The following RSU1 variants were observed in gnomAD, a reference collection of about 807,000 sequenced individuals.
The protein encoded by RSU1 is rsu-1.
RSU1 carries 26 observed loss-of-function variants against 31.1 expected under a neutral mutation model. The observed-to-expected ratio is 0.84, with a 90% confidence interval of 0.61 to 1.16. The LOEUF is 1.16. Ranked by LOEUF, RSU1 falls within the 50% of genes most tolerant of loss-of-function variation. The probability of loss-of-function intolerance (pLI) is 0.00; values close to 1 mark genes in which losing one functional copy is unlikely to be tolerated. For synonymous variants in RSU1, 164 were observed against 136.3 expected (o/e 1.20, Z -1.41); for missense variants, 320 against 339.1 (o/e 0.94, Z 0.44).
rs1837079021 is a variant in RSU1 at position 16,756,093 on chromosome 10, C to T, written c.282-1104G>A. Among the ~76,000 whole-genome samples the T allele has an allele frequency of 1.4e-4, 21 of 152,028 alleles. 1 individual carries two copies. Among genetic ancestry groups the T allele is most frequent in the Admixed American group, 1.4e-3 (21 of 15,266 alleles). ...TTTGCTTGATTTCATTCCATTTATT[C>T]CTTTTTTGGAGGGAAAATCATGTTT... On this transcript the variant is annotated intron_variant, in intron 4 of 8. Coordinates refer to ENST00000345264, the MANE Select transcript of RSU1 (RefSeq NM_012425.4).
intron 7 of RSU1, among the ~76,000 whole-genome samples, chr10:16,702,584 A>G (rs1309889171): frequency 1.3e-5 from 2 of 152,228 alleles, no homozygotes; most frequent in African/African-American, 2.4e-5. Context: ...TGGGTTTTGA[A>G]CTTCCATGGG....
chr10:16,783,269 G>A (rs1294334139), intron 2 of RSU1, among the ~76,000 whole-genome samples: 2 of 151,712 alleles, frequency 1.3e-5, no homozygotes, highest in Non-Finnish European at 2.9e-5. Context: ...TCCTTAAACG[G>A]ATAAGATAAA....
intron 4 of RSU1, among the ~76,000 whole-genome samples, chr10:16,760,518 A>G (rs537688472): frequency 3.2e-4 from 31 of 98,290 alleles, no homozygotes; most frequent in African/African-American, 1.2e-3. Context: ...TCAAAAAAAG[A>G]AAAAAAAAAA....
At chr10:16,679,134 A>G (rs182899238) in intron 8 of RSU1, among the ~76,000 whole-genome samples, 20 of 152,288 alleles carry the variant, frequency 1.3e-4, no homozygotes, top group Admixed American at 5.9e-4. Flanking sequence ...TTTATTACCT[A>G]CCACCAAAAA....
chr10:16,709,745 A>T lies in RSU1; in HGVS notation c.599-14590T>A, dbSNP rs569845055. Among the ~76,000 whole-genome samples, 62 of 152,288 alleles carry T rather than the reference A, an allele frequency of 4.1e-4. No homozygotes were observed. The East Asian group carries it at 0.011, about 27-fold the overall frequency. On this transcript the variant is annotated intron_variant, in intron 7 of 8. Coordinates refer to ENST00000345264, the MANE Select transcript of RSU1 (RefSeq NM_012425.4). The stretch of plus-strand genomic sequence containing the variant: ...TTTGATTTGCATTTCTCTGATGGCC[A>T]GTGATGATGAGCATTTTTTCATGTG...
At chr10:16,801,519 CACAACACCACCATCTATCAGCTGG>C (rs905475824) in intron 2 of RSU1, among the ~76,000 whole-genome samples, 6 of 152,116 alleles carry the variant, frequency 3.9e-5, no homozygotes, top group African/African-American at 1.2e-4. Flanking sequence ...GAGTTAAAAA[CACAACACCACCATCTATCAGCTGG>C]ATATAATTGA....
chr10:16,802,117 A>G (rs937414059), intron 2 of RSU1, among the ~76,000 whole-genome samples: 4 of 151,908 alleles, frequency 2.6e-5, no homozygotes, highest in South Asian at 2.1e-4. Context: ...GGGAAATAAT[A>G]GAGAAAATCT....
chr10:16,788,398 G>A (rs1302031242), intron 2 of RSU1, among the ~76,000 whole-genome samples: 1 of 152,098 alleles, frequency 6.6e-6, no homozygotes. Flanking sequence ...GAGGTGATTA[G>A]GTCATGAGGG....
intron 8 of RSU1, among the ~76,000 whole-genome samples, chr10:16,655,995 T>C (rs532482799): frequency 6.9e-6 from 1 of 145,810 alleles, no homozygotes; most frequent in East Asian, 2.0e-4. Context: ...AGAAATGTGA[T>C]TTTTTTCTTA....
At chr10:16,623,861 A>G (rs897356884) in intron 8 of RSU1, among the ~76,000 whole-genome samples, 2 of 152,196 alleles carry the variant, frequency 1.3e-5, no homozygotes, top group Non-Finnish European at 2.9e-5. Flanking sequence ...GATTCAAGAA[A>G]CTAGAATTCA....
At chr10:16,781,971 CT>C in intron 3 of RSU1, 62 bp downstream of exon 3, 1 of 1,360,610 alleles carries the variant, frequency 7.3e-7, no homozygotes, top group Non-Finnish European at 1.0e-6. Context: ...CAGTAACAGA[CT>C]CAGCAGTGCC....
chr10:16,705,328 G>A lies in RSU1; in HGVS notation c.599-10173C>T, dbSNP rs1564324927. ...ATGCTCAAGTCTCTCATATAAAATA[G>A]TGTAAATTTTCATATAACCTATACA... On this transcript the variant is annotated intron_variant, in intron 7 of 8. Transcript: ENST00000345264. Among the ~76,000 whole-genome samples the A allele has an allele frequency of 5.3e-5, 8 of 152,154 alleles. No homozygotes were observed. The South Asian group carries it at 1.2e-3, about 24-fold the overall frequency.
intron 2 of RSU1, among the ~76,000 whole-genome samples, chr10:16,799,702 C>T (rs1211148521): frequency 1.3e-5 from 2 of 152,152 alleles, no homozygotes; most frequent in Non-Finnish European, 1.5e-5. Context: ...AAGCATTCTG[C>T]TCTCCTTAAC....
chr10:16,600,566 TTA>T (rs200779339), intron 8 of RSU1, among the ~76,000 whole-genome samples: 17 of 117,712 alleles, frequency 1.4e-4, no homozygotes, highest in African/African-American at 7.7e-4. Flanking sequence ...TTTTTTTTTT[TTA>T]GGGGGGGGTG....
At chr10:16,717,553 A>G (rs1329145696) in intron 7 of RSU1, among the ~76,000 whole-genome samples, 1 of 152,210 alleles carries the variant, frequency 6.6e-6, no homozygotes, top group African/African-American at 2.4e-5. Context: ...TTTCCATATA[A>G]CCATGTATGT....
intron 7 of RSU1, among the ~76,000 whole-genome samples, chr10:16,747,900 G>A (rs1836887996): frequency 6.6e-6 from 1 of 152,332 alleles, no homozygotes; most frequent in Middle Eastern, 3.4e-3. Context: ...GGGGCACAGT[G>A]GTGCACGCCT....
chr10:16,670,040 C>A (rs2131536268), intron 8 of RSU1, among the ~76,000 whole-genome samples: 1 of 152,244 alleles, frequency 6.6e-6, no homozygotes, highest in East Asian at 1.9e-4. Context: ...CATCTTTTCT[C>A]CCAAATTATA....
Position 16,593,487 on chromosome 10 carries a change from GC to G in RSU1, c.740del (p.Gly247AlafsTer76). On this transcript the variant is annotated frameshift_variant, in exon 9 of 9. Coordinates refer to ENST00000345264, the MANE Select transcript of RSU1 (RefSeq NM_012425.4). LOFTEE classifies it high-confidence loss of function. ...GTTCTGGGTTGGCCTGCATGTGTCT[GC>G]CGTAGAGGCTGCAAAGACAGAGAAA... The part of the protein sequence containing the change: ...IRSETYKYLY[G>X]RHMQANPEPP... 6 of 1,613,426 alleles carry G rather than the reference GC, an allele frequency of 3.7e-6. No individual in the cohort carries two copies. The highest frequency in any genetic ancestry group is 5.1e-6 in the Non-Finnish European group (6 of 1,179,356).
intron 3 of RSU1, among the ~76,000 whole-genome samples, chr10:16,769,533 G>A (rs1837380852): frequency 6.6e-6 from 1 of 152,200 alleles, no homozygotes; most frequent in South Asian, 2.1e-4. Flanking sequence ...CCACAGAGAC[G>A]TCAGAATCAC....
Sources: gnomAD v4.1 joint callset for allele counts (sites outside exome capture counted in the v4.1 genomes callset) on GRCh38, gnomAD v4.1.1 for gene constraint, MANE v1.5 for transcripts, NCBI Gene and HGNC (gene_info 2026-07-23, HGNC 2026-07-21) for gene names.